Variants in KIF16B observed in about 807,000 individuals in gnomAD.
KIF16B encodes kinesin family member 16B.
In KIF16B, 98 loss-of-function variants were observed where a neutral mutation model predicts 156.3. That is an observed-to-expected ratio of 0.63 (90% CI 0.53 to 0.74). The LOEUF (loss-of-function observed/expected upper bound fraction) is 0.74, where lower values mean the gene tolerates loss of function less well. KIF16B is among the 30% of genes least tolerant of loss of function. The probability of loss-of-function intolerance (pLI) is 0.00; values close to 1 mark genes in which losing one functional copy is unlikely to be tolerated. For synonymous variants in KIF16B, 564 were observed against 583.7 expected (o/e 0.97, Z 0.49); for missense variants, 1,421 against 1,606.5 (o/e 0.88, Z 1.97).
Position 16,379,979 on chromosome 20 carries a change from C to T in KIF16B, c.2023G>A (p.Glu675Lys). 6.2e-7 allele frequency: 1 copy of T among 1,612,690 alleles called. No individual in the cohort carries two copies. The highest frequency in any genetic ancestry group is 8.5e-7 in the Non-Finnish European group (1 of 1,179,706). ...CTCTCCTCTTCAAATTTTTCCTTCT[C>T]CGCAAGTAAATCCTTTAGCTTGTTC... ...IENKLKDLLA[E>K]KEKFEEERLR... is the part of the protein sequence containing the mutation. Residue 675 changes from glutamate to lysine, a missense_variant, in exon 19 of 26, where the codon GAG becomes AAG. Coordinates refer to ENST00000354981, the MANE Select transcript of KIF16B (RefSeq NM_024704.5).
chr20:16,553,766 C>G (rs115886537), intron 1 of KIF16B, among the ~76,000 whole-genome samples: 1 of 152,240 alleles, frequency 6.6e-6, no homozygotes, highest in Non-Finnish European at 1.5e-5. Flanking sequence ...GCTACCAAGA[C>G]GCTGGCTACA....
Position 16,427,129 on chromosome 20 carries a change from G to T in KIF16B, c.1587C>A (p.Ile529=), listed in dbSNP as rs16997605. 3.1e-6 allele frequency: 5 copies of T among 1,608,810 alleles called. No homozygotes were observed. The highest frequency in any genetic ancestry group is 4.2e-6 in the Non-Finnish European group (5 of 1,177,442). The change falls in exon 15 of 26, where the codon ATC becomes ATA. Residue 529 remains isoleucine, a synonymous_variant. Transcript: ENST00000354981. ...CTTGATTTAGATGTGTGGCCTCCAC[G>T]ATCTGAACACCATTCACAGAGCACT... ...GSQCSVNGVQ[I]VEATHLNQGA... is the part of the protein sequence containing the mutation.
chr20:16,299,494 T>C (rs2063440769), intron 25 of KIF16B, among the ~76,000 whole-genome samples: 1 of 152,216 alleles, frequency 6.6e-6, no homozygotes, highest in African/African-American at 2.4e-5. Flanking sequence ...ATAACAGAGT[T>C]GGATTATTTG....
At chr20:16,381,618 G>T in intron 18 of KIF16B, 76 bp downstream of exon 18, 1 of 1,093,214 alleles carries the variant, frequency 9.1e-7, no homozygotes, top group Non-Finnish European at 1.4e-6. Flanking sequence ...AGCAGACACA[G>T]ATGGAATCAG....
chr20:16,437,875 G>A (rs1220693379), intron 12 of KIF16B, among the ~76,000 whole-genome samples: 2 of 151,794 alleles, frequency 1.3e-5, no homozygotes, highest in South Asian at 2.1e-4. Context: ...GCTCATGCCT[G>A]TAATCCCAGT....
At chr20:16,397,888 T>G (rs935172421) in intron 17 of KIF16B, among the ~76,000 whole-genome samples, 1 of 152,226 alleles carries the variant, frequency 6.6e-6, no homozygotes, top group African/African-American at 2.4e-5. Flanking sequence ...GCATCCTTTG[T>G]GCTGAGAGCA....
chr20:16,402,721 G>C (rs1371653239), intron 17 of KIF16B, among the ~76,000 whole-genome samples: 4 of 151,942 alleles, frequency 2.6e-5, no homozygotes, highest in Non-Finnish European at 5.9e-5. Flanking sequence ...CAGAACACCT[G>C]GAGAGAGGTC....
chr20:16,433,331 C>G (rs937926144), intron 12 of KIF16B, among the ~76,000 whole-genome samples: 3 of 152,104 alleles, frequency 2.0e-5, no homozygotes, highest in Non-Finnish European at 4.4e-5. Context: ...TATTTTCTTT[C>G]TGTACAGAAG....
chr20:16,390,929 A>T (rs1349936860), intron 17 of KIF16B, among the ~76,000 whole-genome samples: 1 of 152,216 alleles, frequency 6.6e-6, no homozygotes, highest in Non-Finnish European at 1.5e-5. Flanking sequence ...ACATGCTCAT[A>T]TATCGATCAC....
At chr20:16,406,884 G>C (rs1242760130) in intron 15 of KIF16B, among the ~76,000 whole-genome samples, 2 of 152,270 alleles carry the variant, frequency 1.3e-5, no homozygotes, top group East Asian at 3.9e-4. Context: ...CAAAAGAAAA[G>C]TGCTTTCAAA....
intron 12 of KIF16B, among the ~76,000 whole-genome samples, 178 bp from the exon 13 acceptor site, chr20:16,430,160 G>A (rs1233843194): frequency 6.6e-6 from 1 of 152,152 alleles, no homozygotes; most frequent in Non-Finnish European, 1.5e-5. Context: ...AAGTGAACTT[G>A]GAACTTATAA....
chr20:16,531,469 T>C (rs1286494689), intron 1 of KIF16B, among the ~76,000 whole-genome samples: 3 of 152,190 alleles, frequency 2.0e-5, no homozygotes, highest in East Asian at 1.9e-4. Flanking sequence ...GGCCAGCCAC[T>C]GTGAGAAAAC....
chr20:16,505,323 A>G (rs2295113), intron 9 of KIF16B, among the ~76,000 whole-genome samples: 36,215 of 152,016 alleles, frequency 0.24, 4,950 homozygotes, highest in East Asian at 0.36. Context: ...TGTTTTATGC[A>G]TTGGGTTTTT....
intron 25 of KIF16B, among the ~76,000 whole-genome samples, chr20:16,307,464 C>A (rs561731861): frequency 6.6e-6 from 1 of 152,216 alleles, no homozygotes; most frequent in South Asian, 2.1e-4. Context: ...CTGCCAACTT[C>A]AAGTATTGAA....
chr20:16,286,575 T>A (rs2063225769), intron 25 of KIF16B, among the ~76,000 whole-genome samples: 1 of 152,184 alleles, frequency 6.6e-6, no homozygotes, highest in Admixed American at 6.5e-5. Context: ...CTTTCTCCTA[T>A]ACTTATTCAT....
intron 6 of KIF16B, among the ~76,000 whole-genome samples, chr20:16,509,441 TAA>T (rs1200880251): frequency 6.6e-6 from 1 of 152,218 alleles, no homozygotes; most frequent in Non-Finnish European, 1.5e-5. Context: ...TAGCAAGGTA[TAA>T]GAGTGCTTGT....
intron 12 of KIF16B, among the ~76,000 whole-genome samples, chr20:16,468,227 T>C (rs1357077327): frequency 6.6e-6 from 1 of 152,218 alleles, no homozygotes; most frequent in Non-Finnish European, 1.5e-5. Context: ...GTAGCTGTAC[T>C]GATTTCAGAC....
At chr20:16,525,760 T>G (rs720593) in intron 3 of KIF16B, among the ~76,000 whole-genome samples, 36,222 of 152,224 alleles carry the variant, frequency 0.24, 4,934 homozygotes, top group East Asian at 0.34. Context: ...TTCTTTACTG[T>G]GCTTCGCAGC....
chr20:16,287,522 G>A (rs2063241897), intron 25 of KIF16B, among the ~76,000 whole-genome samples: 2 of 152,156 alleles, frequency 1.3e-5, no homozygotes, highest in Admixed American at 6.5e-5. Flanking sequence ...AATGACATAA[G>A]CATATTATAC....
Sources: gnomAD v4.1 joint callset for allele counts (sites outside exome capture counted in the v4.1 genomes callset) on GRCh38, gnomAD v4.1.1 for gene constraint, MANE v1.5 for transcripts, NCBI Gene and HGNC (gene_info 2026-07-23, HGNC 2026-07-21) for gene names.